PLCB1: variants seen among roughly 807,000 people sequenced by gnomAD.
PLCB1 encodes phospholipase C beta 1, also known as 1-phosphatidylinositol 4,5-bisphosphate phosphodiesterase beta-1.
A neutral mutation model predicts 161.8 loss-of-function variants in PLCB1; 46 were observed. The ratio of observed to expected loss-of-function variants is 0.28; its 90% CI spans 0.22 to 0.36. The LOEUF (loss-of-function observed/expected upper bound fraction) is 0.36, where lower values mean the gene tolerates loss of function less well. Ranked by LOEUF, PLCB1 falls within the 10% of genes least tolerant of loss-of-function variation. The probability of loss-of-function intolerance (pLI) is 1.00; values close to 1 mark genes in which losing one functional copy is unlikely to be tolerated. For synonymous variants in PLCB1, 517 were observed against 503.7 expected, an observed-to-expected ratio of 1.03 and a Z score of -0.35; for missense variants, 1,016 against 1,472.5, an observed-to-expected ratio of 0.69 and a Z score of 5.07.
chr20:8,437,465 G>T lies in PLCB1; in HGVS notation c.246+66015G>T, dbSNP rs1980362919. Among the ~76,000 whole-genome samples the T allele has an allele frequency of 2.0e-5, 3 of 152,220 alleles. No individual in the cohort carries two copies. The South Asian group carries it at 6.2e-4, about 31-fold the overall frequency. On this transcript the variant is annotated intron_variant, in intron 3 of 31. Transcript: ENST00000338037. ...TGGATGCATGAAATGCTATTTCATT[G>T]TAGCACTATTGTTTTAGAAATGGTT...
chr20:8,203,453 A>G (rs1400680476), intron 2 of PLCB1, among the ~76,000 whole-genome samples: 2 of 152,162 alleles, frequency 1.3e-5, no homozygotes. Flanking sequence ...TATTTTGAAC[A>G]TACTGAGTTT....
intron 2 of PLCB1, among the ~76,000 whole-genome samples, chr20:8,356,816 G>A (rs966365267): frequency 6.6e-6 from 1 of 152,158 alleles, no homozygotes; most frequent in Non-Finnish European, 1.5e-5. Context: ...TAGAGGGATA[G>A]CAGTGGTTAG....
intron 2 of PLCB1, among the ~76,000 whole-genome samples, chr20:8,340,548 G>A (rs999969744): frequency 2.6e-5 from 4 of 151,902 alleles, no homozygotes; most frequent in South Asian, 2.1e-4. Context: ...TCAGCCTCCC[G>A]CGTAGCTGGG....
chr20:8,266,944 C>T (rs552022569), intron 2 of PLCB1, among the ~76,000 whole-genome samples: 2 of 151,060 alleles, frequency 1.3e-5, no homozygotes, highest in South Asian at 2.1e-4. Flanking sequence ...GATGCTGAGG[C>T]AAGAATCGCT....
Position 8,851,916 on chromosome 20 carries a change from C to A in PLCB1, c.3424-29706C>A, listed in dbSNP as rs951673292. 1.3e-5 allele frequency among the ~76,000 whole-genome samples: 2 copies of A among 152,230 alleles called. 1 individual carries two copies. The highest frequency in any genetic ancestry group is 1.3e-4 in the Admixed American group (2 of 15,298). On this transcript the variant is annotated intron_variant, in intron 31 of 31. Coordinates refer to ENST00000338037, the MANE Select transcript of PLCB1 (RefSeq NM_015192.4). ...TCATAGAAGCACCACATGTAACAGG[C>A]AAAAACTGGAAACAACCTAAATGTC...
chr20:8,654,058 G>C (rs1448928980), intron 7 of PLCB1, among the ~76,000 whole-genome samples: 1 of 151,764 alleles, frequency 6.6e-6, no homozygotes, highest in African/African-American at 2.4e-5. Flanking sequence ...CATATATTGG[G>C]GGGATCTTGT....
intron 2 of PLCB1, among the ~76,000 whole-genome samples, chr20:8,298,435 C>A (rs1473634055): frequency 6.6e-6 from 1 of 151,854 alleles, no homozygotes; most frequent in Non-Finnish European, 1.5e-5. Flanking sequence ...AGAGAAAAAC[C>A]AACATATTTT....
At chr20:8,563,248 G>T (rs1001806873) in intron 3 of PLCB1, among the ~76,000 whole-genome samples, 6 of 151,932 alleles carry the variant, frequency 3.9e-5, no homozygotes, top group Non-Finnish European at 5.9e-5. Flanking sequence ...AAATGATGTG[G>T]TTCTGGTGGA....
Position 8,788,457 on chromosome 20 carries a change from A to G in PLCB1, c.3120A>G (p.Gln1040=), listed in dbSNP as rs61755436. Residue 1040 remains glutamine, a synonymous_variant, in exon 28 of 32, where the codon CAA becomes CAG. Coordinates refer to ENST00000338037, the MANE Select transcript of PLCB1 (RefSeq NM_015192.4). The part of the protein sequence containing the change: ...QKREHIKLLI[Q]KLTDVAEECQ... ...ACATTTTCTTTTTCCAGCTTATTCAAAAGTTGACGGATGTCGCAGAAGAGT... is the reference window on the plus strand; with the variant it reads ...ACATTTTCTTTTTCCAGCTTATTCAGAAGTTGACGGATGTCGCAGAAGAGT... 1.7e-3 allele frequency: 2,689 copies of G among 1,613,110 alleles called. 66 individuals are homozygous for G. The Admixed American group carries it at 0.041, about 25-fold the overall frequency.
chr20:8,811,182 A>T (rs910436851), intron 31 of PLCB1, among the ~76,000 whole-genome samples: 19 of 152,160 alleles, frequency 1.2e-4, no homozygotes, highest in Admixed American at 3.9e-4. Flanking sequence ...GGAGGTCATT[A>T]TTGGCCTTGA....
intron 3 of PLCB1, among the ~76,000 whole-genome samples, chr20:8,546,665 C>CCT (rs1238505175): frequency 6.6e-6 from 1 of 152,074 alleles, no homozygotes; most frequent in Admixed American, 6.5e-5. Flanking sequence ...AGCTGATAAA[C>CCT]CTCAGATCTG....
At chr20:8,762,181 G>A (rs912364322) in intron 25 of PLCB1, among the ~76,000 whole-genome samples, 55 of 152,134 alleles carry the variant, frequency 3.6e-4, no homozygotes, top group Non-Finnish European at 4.4e-4. Context: ...TTGCACTCCA[G>A]CCTGGGCAAC....
At chr20:8,144,557 C>T (rs1022854158) in intron 1 of PLCB1, among the ~76,000 whole-genome samples, 1 of 152,188 alleles carries the variant, frequency 6.6e-6, no homozygotes, top group African/African-American at 2.4e-5. Context: ...GAGGAAAAGT[C>T]TCATCAATGC....
chr20:8,813,236 C>G (rs1984918097), intron 31 of PLCB1, among the ~76,000 whole-genome samples: 1 of 152,198 alleles, frequency 6.6e-6, no homozygotes, highest in African/African-American at 2.4e-5. Context: ...TAATACATTT[C>G]TCTACCAAGT....
chr20:8,449,912 C>G (rs1055071390), intron 3 of PLCB1, among the ~76,000 whole-genome samples: 1 of 152,128 alleles, frequency 6.6e-6, no homozygotes, highest in Non-Finnish European at 1.5e-5. Flanking sequence ...CTATAATGTC[C>G]ATCATACCAT....
chr20:8,521,120 C>T (rs2122882317), intron 3 of PLCB1, among the ~76,000 whole-genome samples: 1 of 152,220 alleles, frequency 6.6e-6, no homozygotes, highest in Admixed American at 6.5e-5. Context: ...TATTCTTATC[C>T]ATTTATTGAG....
At chr20:8,778,683 C>A (rs1983061456) in intron 27 of PLCB1, among the ~76,000 whole-genome samples, 1 of 152,216 alleles carries the variant, frequency 6.6e-6, no homozygotes, top group Admixed American at 6.5e-5. Flanking sequence ...TCAAAGTGCT[C>A]ACCCCTGCAC....
At chr20:8,315,213 T>C (rs1984585334) in intron 2 of PLCB1, among the ~76,000 whole-genome samples, 1 of 152,144 alleles carries the variant, frequency 6.6e-6, no homozygotes. Flanking sequence ...GCTGAACATA[T>C]GTCTGACCGA....
intron 31 of PLCB1, among the ~76,000 whole-genome samples, chr20:8,842,521 T>C (rs1194589062): frequency 6.6e-6 from 1 of 152,174 alleles, no homozygotes; most frequent in Non-Finnish European, 1.5e-5. Context: ...CTTGATAGTG[T>C]AGCAGGACGA....
Sources: allele counts gnomAD v4.1 joint callset (sites outside exome capture counted in the v4.1 genomes callset), GRCh38; gene constraint gnomAD v4.1.1; transcripts MANE v1.5; gene names NCBI Gene and HGNC (gene_info 2026-07-23, HGNC 2026-07-21).